The following CCDC178 variants were observed in gnomAD, a reference collection of about 807,000 sequenced individuals.
CCDC178 encodes coiled-coil domain containing 178, also known as coiled-coil domain-containing protein 178.
A neutral mutation model predicts 117.4 loss-of-function variants in CCDC178; 126 were observed. The observed-to-expected ratio is 1.07, with a 90% confidence interval of 0.93 to 1.24. The LOEUF is 1.24. CCDC178 is among the 50% of genes most tolerant of loss of function. CCDC178 has a pLI of 0.00. For synonymous variants in CCDC178, 283 were observed against 313.4 expected (o/e 0.90, Z 1.02); for missense variants, 1,030 against 986.9 (o/e 1.04, Z -0.59).
At chr18:33,096,778 T>A (rs1005997457) in intron 20 of CCDC178, among the ~76,000 whole-genome samples, 15 of 152,066 alleles carry the variant, frequency 9.9e-5, no homozygotes, top group Non-Finnish European at 1.5e-4. Flanking sequence ...CACTCTAGTA[T>A]TAGTTATACT....
At chr18:33,368,363 T>C (rs1268665808) in intron 6 of CCDC178, among the ~76,000 whole-genome samples, 1 of 151,998 alleles carries the variant, frequency 6.6e-6, no homozygotes, top group African/African-American at 2.4e-5. Context: ...CAGACAGTTA[T>C]TGAGTGCCTA....
At chr18:33,032,402 T>C (rs987969106) in intron 21 of CCDC178, among the ~76,000 whole-genome samples, 5 of 152,076 alleles carry the variant, frequency 3.3e-5, no homozygotes, top group African/African-American at 1.2e-4. Context: ...CCCACCAAAA[T>C]CACATATTCT....
chr18:33,335,172 T>C, intron 9 of CCDC178, among the ~76,000 whole-genome samples: 1 of 152,032 alleles, frequency 6.6e-6, no homozygotes, highest in East Asian at 1.9e-4. Context: ...TTCTTTGTAT[T>C]TATTTTGCTT....
intron 20 of CCDC178, among the ~76,000 whole-genome samples, chr18:33,201,704 A>G (rs2058990871): frequency 6.6e-6 from 1 of 152,164 alleles, no homozygotes; most frequent in Non-Finnish European, 1.5e-5. Context: ...GCTGCTCCCT[A>G]GGAAGACGCT....
At chr18:33,322,438 GT>G (rs2062524620) in intron 11 of CCDC178, among the ~76,000 whole-genome samples, 2 of 151,746 alleles carry the variant, frequency 1.3e-5, no homozygotes, top group African/African-American at 4.8e-5. Flanking sequence ...AAGAATGAAT[GT>G]TATTCTCAAT....
chr18:33,157,492 G>C (rs2058415251), intron 20 of CCDC178, among the ~76,000 whole-genome samples: 1 of 152,056 alleles, frequency 6.6e-6, no homozygotes, highest in East Asian at 1.9e-4. Flanking sequence ...CAAAATGTTA[G>C]AAAATATTAA....
chr18:33,327,447 T>C (rs2062599954), intron 10 of CCDC178, among the ~76,000 whole-genome samples: 2 of 152,216 alleles, frequency 1.3e-5, no homozygotes, highest in African/African-American at 4.8e-5. Context: ...AGTCTCAGCT[T>C]TTGTTTCTTT....
At chr18:33,038,969 A>G (rs1402913969) in intron 21 of CCDC178, among the ~76,000 whole-genome samples, 2 of 152,190 alleles carry the variant, frequency 1.3e-5, no homozygotes, top group East Asian at 3.9e-4. Context: ...AACACACAAC[A>G]TATGTATATG....
chr18:33,059,618 C>A (rs1398308372), intron 21 of CCDC178, among the ~76,000 whole-genome samples: 1 of 152,124 alleles, frequency 6.6e-6, no homozygotes. Context: ...AGTCCTTTGT[C>A]TTTACCTCCT....
chr18:33,104,725 A>T (rs1260385072), intron 20 of CCDC178, among the ~76,000 whole-genome samples: 1 of 151,750 alleles, frequency 6.6e-6, no homozygotes, highest in African/African-American at 2.4e-5. Flanking sequence ...GGTTAAACAT[A>T]GATGGTGTAA....
At chr18:33,081,655 A>G (rs1197989216) in intron 21 of CCDC178, among the ~76,000 whole-genome samples, 1 of 152,180 alleles carries the variant, frequency 6.6e-6, no homozygotes, top group Non-Finnish European at 1.5e-5. Context: ...CAGTGCATAT[A>G]TCTTTCTTTA....
rs763852530 is a variant in CCDC178, at chr18:33,412,138, T to C, written c.-22-28A>G. The C allele has an allele frequency of 2.9e-5, 25 of 870,800 alleles. No individual in the cohort carries two copies. In the African/African-American group the frequency reaches 4.3e-4, roughly 15 times the overall value. 53.9% of individuals were successfully genotyped at this position (870,800 alleles called of 1,614,324 possible). A position where few individuals can be genotyped will look rare whatever the true frequency, so the allele number is the denominator to read the frequency against. On this transcript the variant is annotated intron_variant, in intron 2 of 22. Transcript: ENST00000383096. Reference sequence around the variant, plus strand: ...AATTAGAAAGAAAAATATTTAAATATCATGAATCTAAATTAGTTTATATTT... The same window carrying C: ...AATTAGAAAGAAAAATATTTAAATACCATGAATCTAAATTAGTTTATATTT...
chr18:33,056,927 T>A (rs1054704859), intron 21 of CCDC178, among the ~76,000 whole-genome samples: 1 of 147,478 alleles, frequency 6.8e-6, no homozygotes, highest in African/African-American at 2.5e-5. Flanking sequence ...GATGTTGGAA[T>A]TGCTGGTGTT....
intron 4 of CCDC178, among the ~76,000 whole-genome samples, chr18:33,392,286 C>A (rs926554634): frequency 6.6e-6 from 1 of 152,218 alleles, no homozygotes; most frequent in African/African-American, 2.4e-5. Flanking sequence ...AGCTGCTGAG[C>A]TTCTGGCATT....
At chr18:33,025,030 G>A (rs151298810) in intron 21 of CCDC178, among the ~76,000 whole-genome samples, 1 of 152,204 alleles carries the variant, frequency 6.6e-6, no homozygotes, top group African/African-American at 2.4e-5. Flanking sequence ...GTTAACTGCA[G>A]ACCAATACAT....
intron 12 of CCDC178, among the ~76,000 whole-genome samples, chr18:33,288,986 C>T (rs1326550349): frequency 6.6e-5 from 10 of 152,174 alleles, no homozygotes; most frequent in Admixed American, 6.5e-4. Context: ...TAGAGAAACT[C>T]ATACTACTAT....
chr18:33,106,326 G>C (rs1328606104), intron 20 of CCDC178, among the ~76,000 whole-genome samples: 2 of 151,666 alleles, frequency 1.3e-5, no homozygotes, highest in Non-Finnish European at 3.0e-5. Flanking sequence ...AAGGAAGAAA[G>C]AAAGAGCAAG....
At position 32,983,348 on chromosome 18, in the gene CCDC178, G is replaced by A; in HGVS notation, c.2389-8667C>T. On this transcript the variant is annotated intron_variant, in intron 21 of 22. Coordinates refer to ENST00000383096, the MANE Select transcript of CCDC178 (RefSeq NM_001105528.4). ...TGGAAGTTTCTTAGGTAAGAAGCCT[G>A]CAACCTAAGAATAGAAATATTACAA... 8.6e-6 allele frequency: 13 copies of A among 1,515,720 alleles called. 1 individual carries two copies. In the Middle Eastern group the frequency reaches 2.2e-3, roughly 255 times the overall value. 93.9% of individuals were successfully genotyped at this position (1,515,720 alleles called of 1,614,324 possible). A position where few individuals can be genotyped will look rare whatever the true frequency, so the allele number is the denominator to read the frequency against.
chr18:33,054,016 T>C (rs980569434), intron 21 of CCDC178, among the ~76,000 whole-genome samples: 3 of 152,168 alleles, frequency 2.0e-5, no homozygotes, highest in Non-Finnish European at 4.4e-5. Context: ...CATACCAGAA[T>C]GTCCAAGATC....
Sources: gnomAD v4.1 joint callset for allele counts (sites outside exome capture counted in the v4.1 genomes callset) on GRCh38, gnomAD v4.1.1 for gene constraint, MANE v1.5 for transcripts, NCBI Gene and HGNC (gene_info 2026-07-23, HGNC 2026-07-21) for gene names.